PAPSS2: variants seen among roughly 807,000 people sequenced by gnomAD.
PAPSS2 encodes 3'-phosphoadenosine 5'-phosphosulfate synthase 2, also known as bifunctional 3'-phosphoadenosine 5'-phosphosulfate synthase 2.
A neutral mutation model predicts 66.5 loss-of-function variants in PAPSS2; 61 were observed. That is an observed-to-expected ratio of 0.92 (90% CI 0.75 to 1.14). The LOEUF is 1.14. Ranked by LOEUF, PAPSS2 falls within the 50% of genes most tolerant of loss-of-function variation. The probability of loss-of-function intolerance (pLI) is 0.00; values close to 1 mark genes in which losing one functional copy is unlikely to be tolerated. For missense variants in PAPSS2, 708 were observed against 789.6 expected, an observed-to-expected ratio of 0.90 and a Z score of 1.24; for synonymous variants, 289 against 287.5, an observed-to-expected ratio of 1.01 and a Z score of -0.05.
intron 2 of PAPSS2, among the ~76,000 whole-genome samples, chr10:87,712,066 A>G (rs1853468649): frequency 6.6e-6 from 1 of 152,124 alleles, no homozygotes; most frequent in Admixed American, 6.5e-5. Flanking sequence ...TGGAAATTAC[A>G]AAGTGTGTTC....
At chr10:87,681,730 A>G (rs1853023947) in intron 1 of PAPSS2, among the ~76,000 whole-genome samples, 1 of 152,188 alleles carries the variant, frequency 6.6e-6, no homozygotes, top group Admixed American at 6.5e-5. Context: ...CCGAGAAGCT[A>G]CCAGTCTACT....
rs893321275 is a variant in PAPSS2, at chr10:87,743,591, A to G, written c.1441A>G (p.Thr481Ala). The G allele has an allele frequency of 6.2e-7, 1 of 1,614,132 alleles. No individual in the cohort carries two copies. Among genetic ancestry groups the G allele is most frequent in the Admixed American group, 1.7e-5 (1 of 60,022 alleles). Residue 481 changes from threonine to alanine, a missense_variant, in exon 11 of 13, where the codon ACC (threonine) becomes GCC (alanine). By Grantham distance (58) the Thr-to-Ala change is moderately conservative. Transcript: ENST00000456849. Reference protein sequence around the residue: ...LEEGVLDPKSTIVAIFPSPML... With the variant: ...LEEGVLDPKSAIVAIFPSPML... The stretch of plus-strand genomic sequence containing the variant: ...GGAAGGGGTCCTGGATCCCAAGTCA[A>G]CCATTGTTGCCATCTTTCCGTCTCC...
In PAPSS2 at chr10:87,727,297, C is replaced by T; in HGVS notation, c.894C>T (p.Asn298=). ...CTCTTTCCACAGATGGCGTGATCAA[C>T]ATGAGCATCCCCATTGTACTGCCCG... The part of the protein sequence containing the change: ...DGMALPDGVI[N]MSIPIVLPVS... Residue 298 remains asparagine (N), a synonymous_variant, in exon 9 of 13, where the codon AAC becomes AAT. Coordinates refer to ENST00000456849, the MANE Select transcript of PAPSS2 (RefSeq NM_001015880.2). The T allele has an allele frequency of 1.2e-6, 2 of 1,613,316 alleles. No homozygotes were observed. Among genetic ancestry groups the T allele is most frequent in the Non-Finnish European group, 8.5e-7 (1 of 1,179,934 alleles).
chr10:87,672,655 TA>T (rs1211830224), intron 1 of PAPSS2, among the ~76,000 whole-genome samples: 1 of 151,486 alleles, frequency 6.6e-6, no homozygotes, highest in African/African-American at 2.4e-5. Context: ...AGTGACTACT[TA>T]AAAAAAAAGT....
intron 2 of PAPSS2, among the ~76,000 whole-genome samples, chr10:87,710,864 G>A (rs1490040321): frequency 3.9e-5 from 6 of 152,158 alleles, no homozygotes; most frequent in South Asian, 4.2e-4. Flanking sequence ...TTAGCCAGGC[G>A]TGGTGGTGCA....
chr10:87,744,763 A>T (rs191043531), intron 11 of PAPSS2, among the ~76,000 whole-genome samples: 349 of 152,300 alleles, frequency 2.3e-3, no homozygotes, highest in African/African-American at 7.8e-3. Context: ...TGGAGAAGAG[A>T]TGAGGAAATA....
At chr10:87,737,972 A>G (rs1853820971) in intron 9 of PAPSS2, among the ~76,000 whole-genome samples, 1 of 152,126 alleles carries the variant, frequency 6.6e-6, no homozygotes, top group Non-Finnish European at 1.5e-5. Context: ...ATCATGTAAT[A>G]TTTGCTTTTT....
At chr10:87,713,331 A>G (rs1172180667) in intron 3 of PAPSS2, 21 bp downstream of exon 3, 2 of 1,357,688 alleles carry the variant, frequency 1.5e-6, no homozygotes, top group Non-Finnish European at 2.1e-6. Flanking sequence ...AAAAAAAAAA[A>G]AAAGGCACTA....
chr10:87,660,255 C>G (rs775809254), intron 1 of PAPSS2: 11 of 599,210 alleles, frequency 1.8e-5, no homozygotes, highest in Admixed American at 2.9e-5. Context: ...TCGCCGCGCC[C>G]GCGAGAGACC....
At chr10:87,740,709 A>T (rs1853858174) in intron 9 of PAPSS2, among the ~76,000 whole-genome samples, 1 of 152,194 alleles carries the variant, frequency 6.6e-6, no homozygotes, top group Non-Finnish European at 1.5e-5. Context: ...TTTTCCAGCT[A>T]CCTACCTATA....
intron 7 of PAPSS2, among the ~76,000 whole-genome samples, chr10:87,718,562 G>A (rs899794530): frequency 6.6e-6 from 1 of 152,174 alleles, no homozygotes; most frequent in Non-Finnish European, 1.5e-5. Context: ...AGTGTTTTTG[G>A]GAGTCCCCAA....
At chr10:87,691,572 G>A (rs1853172005) in intron 1 of PAPSS2, among the ~76,000 whole-genome samples, 1 of 152,058 alleles carries the variant, frequency 6.6e-6, no homozygotes, top group African/African-American at 2.4e-5. Context: ...TCCTGGGGAT[G>A]GTCCTGGGAA....
intron 2 of PAPSS2, among the ~76,000 whole-genome samples, chr10:87,710,398 T>A (rs1012016780): frequency 6.6e-6 from 1 of 152,192 alleles, no homozygotes; most frequent in Non-Finnish European, 1.5e-5. Context: ...ATATGCACCA[T>A]CCTTCTGTCA....
At position 87,744,977 on chromosome 10, in the gene PAPSS2, C is replaced by A. The variant is rs761386010; in HGVS notation, c.1492-25C>A. 1.9e-6 allele frequency: 3 copies of A among 1,587,072 alleles called. No homozygotes were observed. The Admixed American group carries it at 5.0e-5, about 26-fold the overall frequency. ...TACAGATTTGACCCACAATGACCAG[C>A]ATGTCCCTTATGGACATTTTCTAGG... is the stretch of plus-strand genomic sequence containing the variant. On this transcript the variant is annotated intron_variant, in intron 11 of 12. Transcript: ENST00000456849.
chr10:87,709,156 TATTA>T (rs752012323), intron 1 of PAPSS2, 36 bp from the exon 2 acceptor site: 265 of 1,334,076 alleles, frequency 2.0e-4, no homozygotes, highest in Non-Finnish European at 2.4e-4. Context: ...ATATGTGTTT[TATTA>T]ATTAATACTG....
intron 9 of PAPSS2, among the ~76,000 whole-genome samples, chr10:87,734,942 C>T (rs1853778996): frequency 6.6e-6 from 1 of 151,880 alleles, no homozygotes; most frequent in Non-Finnish European, 1.5e-5. Context: ...GTCTTCCTCT[C>T]CTTGGCCTCT....
chr10:87,691,882 G>A (rs1207165127), intron 1 of PAPSS2, among the ~76,000 whole-genome samples: 2 of 152,140 alleles, frequency 1.3e-5, no homozygotes, highest in East Asian at 3.9e-4. Context: ...CTTGAGTTCA[G>A]TGAGCCATGA....
chr10:87,667,713 A>G (rs1227064724), intron 1 of PAPSS2, among the ~76,000 whole-genome samples: 1 of 152,230 alleles, frequency 6.6e-6, no homozygotes, highest in Non-Finnish European at 1.5e-5. Context: ...TATAAACATG[A>G]CAAACTCAAT....
chr10:87,731,349 A>G (rs1268462205), intron 9 of PAPSS2, among the ~76,000 whole-genome samples: 2 of 152,248 alleles, frequency 1.3e-5, no homozygotes, highest in Non-Finnish European at 2.9e-5. Context: ...TCAAAATATC[A>G]CTGCTAATTG....
Sources: allele counts gnomAD v4.1 joint callset (sites outside exome capture counted in the v4.1 genomes callset), GRCh38; gene constraint gnomAD v4.1.1; transcripts MANE v1.5; gene names NCBI Gene and HGNC (gene_info 2026-07-23, HGNC 2026-07-21).